Variants in KCNK10 observed in about 807,000 individuals in gnomAD.
KCNK10 encodes the protein potassium channel subfamily K member 10.
Under a neutral mutation model 47.7 loss-of-function variants are expected in KCNK10, and 25 were observed. The observed-to-expected ratio is 0.52, with a 90% CI of 0.38 to 0.73. The LOEUF (loss-of-function observed/expected upper bound fraction) is 0.73, where lower values mean the gene tolerates loss of function less well. Ranked by LOEUF, KCNK10 falls within the 30% of genes least tolerant of loss-of-function variation. The pLI is 0.00. For synonymous variants in KCNK10, 303 were observed against 285.6 expected, an observed-to-expected ratio of 1.06 and a Z score of -0.61; for missense variants, 563 against 714.5, an observed-to-expected ratio of 0.79 and a Z score of 2.42.
intron 4 of KCNK10, among the ~76,000 whole-genome samples, chr14:88,205,439 ACTGT>A (rs1202316611): frequency 1.0e-3 from 153 of 151,444 alleles, no homozygotes; most frequent in Admixed American, 0.01. Context: ...AACCTGCATC[ACTGT>A]CTGTCCATCC....
intron 4 of KCNK10, among the ~76,000 whole-genome samples, chr14:88,204,067 C>A (rs1436519379): frequency 1.3e-5 from 2 of 152,176 alleles, no homozygotes; most frequent in African/African-American, 4.8e-5. Flanking sequence ...TTCTTCTTTG[C>A]ACTCCCCTGC....
At chr14:88,306,374 G>A (rs1025838568) in intron 1 of KCNK10, among the ~76,000 whole-genome samples, 2 of 152,168 alleles carry the variant, frequency 1.3e-5, no homozygotes, top group African/African-American at 4.8e-5. Flanking sequence ...GTAGAAGCAA[G>A]ATGGAAATCT....
At position 88,312,918 on chromosome 14, in the gene KCNK10, G is replaced by A. The variant is rs951596629; in HGVS notation, c.52+9829C>T. 2.2e-4 allele frequency among the ~76,000 whole-genome samples: 33 copies of A among 152,268 alleles called. 1 individual carries two copies. The highest frequency in any genetic ancestry group is 1.7e-3 in the South Asian group (8 of 4,828). On this transcript the variant is annotated intron_variant, in intron 1 of 6. Transcript: ENST00000319231. ...TCTTTCTAGAATAATGTTTCAAGCCGTTGGTAAATGAAAGGGTAAAAATGG... is the reference window on the plus strand; with the variant it reads ...TCTTTCTAGAATAATGTTTCAAGCCATTGGTAAATGAAAGGGTAAAAATGG...
chr14:88,240,800 A>G lies in KCNK10; in HGVS notation c.423T>C (p.Asn141=). 2.5e-6 allele frequency: 4 copies of G among 1,611,582 alleles called. No individual in the cohort carries two copies. Among genetic ancestry groups the G allele is most frequent in the South Asian group, 2.2e-5 (2 of 91,014 alleles). Reference sequence around the variant, plus strand: ...AGTTTCCTATTGGACTGACTCCCGCATTGTCAGCATCAAGAGCATGCTGCA... The same window carrying G: ...AGTTTCCTATTGGACTGACTCCCGCGTTGTCAGCATCAAGAGCATGCTGCA... ...TLIQHALDAD[N]AGVSPIGNSS... Residue 141 remains asparagine, a synonymous_variant, in exon 3 of 7, where the codon AAT becomes AAC. Transcript: ENST00000319231.
intron 1 of KCNK10, among the ~76,000 whole-genome samples, chr14:88,281,103 T>C (rs1437383964): frequency 6.6e-6 from 1 of 152,142 alleles, no homozygotes; most frequent in Non-Finnish European, 1.5e-5. Flanking sequence ...TAATTTCATC[T>C]CACAACATGC....
chr14:88,194,976 G>C (rs1884865884), intron 4 of KCNK10, among the ~76,000 whole-genome samples: 1 of 151,626 alleles, frequency 6.6e-6, no homozygotes, highest in African/African-American at 2.4e-5. Flanking sequence ...TAAGGTTTTA[G>C]CAATATCTGT....
At chr14:88,220,134 G>A (rs535855339) in intron 4 of KCNK10, among the ~76,000 whole-genome samples, 38 of 152,080 alleles carry the variant, frequency 2.5e-4, no homozygotes, top group Non-Finnish European at 5.1e-4. Flanking sequence ...ACTATAGAGC[G>A]TGGCCGGGCG....
intron 1 of KCNK10, among the ~76,000 whole-genome samples, chr14:88,287,358 G>A (rs756031533): frequency 1.3e-5 from 2 of 152,102 alleles, no homozygotes; most frequent in Non-Finnish European, 2.9e-5. Flanking sequence ...GGGAAGAGGT[G>A]GTGTTTGGTT....
At position 88,186,317 on chromosome 14, in the gene KCNK10, C is replaced by T. The variant is rs1292397572; in HGVS notation, c.1012-162G>A. Among the ~76,000 whole-genome samples the T allele has an allele frequency of 6.6e-6, 1 of 152,196 alleles. No individual in the cohort carries two copies. The highest frequency in any genetic ancestry group is 1.5e-5 in the Non-Finnish European group (1 of 68,034). On this transcript the variant is annotated intron_variant, in intron 6 of 6. Transcript: ENST00000319231. The surrounding 1 kb of genome is among the most constrained non-coding windows in gnomAD (Gnocchi z 5.5). ...GCTACCTTCTGCCCTAGTACTTCTGCCACCTGGACACCCATCCCTAATTGG... is the reference window on the plus strand; with the variant it reads ...GCTACCTTCTGCCCTAGTACTTCTGTCACCTGGACACCCATCCCTAATTGG...
chr14:88,263,704 G>C (rs1887180342), intron 1 of KCNK10, among the ~76,000 whole-genome samples, 153 bp from the exon 2 acceptor site: 1 of 152,052 alleles, frequency 6.6e-6, no homozygotes, highest in Admixed American at 6.5e-5. Flanking sequence ...TAGGGAATTT[G>C]ATCAGTTGCT....
intron 1 of KCNK10, among the ~76,000 whole-genome samples, chr14:88,292,969 G>A (rs1887912853): frequency 6.7e-6 from 1 of 149,260 alleles, no homozygotes; most frequent in Admixed American, 6.8e-5. Flanking sequence ...TTTGATTCAT[G>A]TAAAACTGGA....
At chr14:88,271,860 T>C (rs1160850096) in intron 1 of KCNK10, among the ~76,000 whole-genome samples, 1 of 151,614 alleles carries the variant, frequency 6.6e-6, no homozygotes, top group Admixed American at 6.6e-5. Context: ...TCGGGACTTG[T>C]AAGCTCGACA....
chr14:88,239,596 C>T (rs560463761), intron 3 of KCNK10, among the ~76,000 whole-genome samples: 43 of 152,248 alleles, frequency 2.8e-4, no homozygotes, highest in African/African-American at 9.1e-4. Context: ...CGGTGGCTCA[C>T]GCCGGTAATC....
chr14:88,286,714 CA>C (rs1459807344), intron 1 of KCNK10, among the ~76,000 whole-genome samples: 2 of 152,092 alleles, frequency 1.3e-5, no homozygotes, highest in African/African-American at 4.8e-5. Context: ...GAATGAGAAT[CA>C]AGTGAAAGGG....
At chr14:88,187,182 C>G (rs926752991) in intron 6 of KCNK10, among the ~76,000 whole-genome samples, 4 of 152,142 alleles carry the variant, frequency 2.6e-5, no homozygotes, top group African/African-American at 9.7e-5. Flanking sequence ...TGGGAAATCT[C>G]TCCATTCAGC....
At chr14:88,251,461 C>T (rs1410721126) in intron 2 of KCNK10, among the ~76,000 whole-genome samples, 10 of 151,980 alleles carry the variant, frequency 6.6e-5, no homozygotes, top group African/African-American at 1.2e-4. Flanking sequence ...AAGCAGGACA[C>T]GACCCAACAT....
Position 88,180,859 on chromosome 14 carries a change from T to A in KCNK10, c.*4676A>T. 2.5e-6 allele frequency: 1 copy of A among 398,602 alleles called. No homozygotes were observed. The highest frequency in any genetic ancestry group is 4.4e-6 in the Non-Finnish European group (1 of 226,020). 24.7% of individuals were successfully genotyped at this position (398,602 alleles called of 1,614,324 possible). A position where few individuals can be genotyped will look rare whatever the true frequency, so the allele number is the denominator to read the frequency against. On this transcript the variant is annotated 3_prime_UTR_variant, in exon 7 of 7. Coordinates refer to ENST00000319231, the MANE Select transcript of KCNK10 (RefSeq NM_138317.3). ...ATGTAATTAGCATGCTGTTCCAAAG[T>A]TTCCCTATGCAGAATTAACAGCATC...
At chr14:88,275,246 C>G (rs1455384269) in intron 1 of KCNK10, among the ~76,000 whole-genome samples, 1 of 152,142 alleles carries the variant, frequency 6.6e-6, no homozygotes, top group Non-Finnish European at 1.5e-5. Context: ...GACCCCAGCC[C>G]TCTGGCTCCT....
At position 88,286,383 on chromosome 14, in the gene KCNK10, T is replaced by C. The variant is rs143154149; in HGVS notation, c.53-22832A>G. Among the ~76,000 whole-genome samples the C allele has an allele frequency of 1.6e-3, 247 of 152,280 alleles. 1 individual carries two copies. Among genetic ancestry groups the C allele is most frequent in the African/African-American group, 5.2e-3 (216 of 41,562 alleles). ...AGCAATCCCAACTTATTGCTGCATCTATATTGTGATAGAGGCATTCATCTA... is the reference window on the plus strand; with the variant it reads ...AGCAATCCCAACTTATTGCTGCATCCATATTGTGATAGAGGCATTCATCTA... On this transcript the variant is annotated intron_variant, in intron 1 of 6. Coordinates refer to ENST00000319231, the MANE Select transcript of KCNK10 (RefSeq NM_138317.3).
Sources: allele counts gnomAD v4.1 joint callset (sites outside exome capture counted in the v4.1 genomes callset), GRCh38; gene constraint gnomAD v4.1.1; non-coding constraint Gnocchi (gnomAD v3.1); transcripts MANE v1.5; gene names NCBI Gene and HGNC (gene_info 2026-07-23, HGNC 2026-07-21).